The following CEP57 variants were observed in gnomAD, a reference collection of about 807,000 sequenced individuals.
CEP57 encodes centrosomal protein 57.
A neutral mutation model predicts 68.0 loss-of-function variants in CEP57; 40 were observed. The observed-to-expected ratio is 0.59, with a 90% CI of 0.46 to 0.77. The LOEUF is 0.77. Among genes scored for constraint, CEP57 ranks in the 30% least tolerant of loss-of-function variants. CEP57 has a pLI of 0.00. For synonymous variants in CEP57, 219 were observed against 198.7 expected (o/e 1.10, Z -0.86); for missense variants, 606 against 580.7 (o/e 1.04, Z -0.45).
At chr11:95,813,775 T>C (rs1862180043) in intron 4 of CEP57, among the ~76,000 whole-genome samples, 186 bp downstream of exon 4, 1 of 152,236 alleles carries the variant, frequency 6.6e-6, no homozygotes, top group South Asian at 2.1e-4. Context: ...TTGTGTTTCG[T>C]AGAGTTTTAC....
At chr11:95,813,368 G>A in intron 3 of CEP57, 100 bp from the exon 4 acceptor site, 1 of 1,431,476 alleles carries the variant, frequency 7.0e-7, no homozygotes, top group Non-Finnish European at 9.6e-7. Context: ...TGTGGAAGGT[G>A]TTTTTATTGT....
At chr11:95,812,264 GT>G (rs1472479644) in intron 2 of CEP57, among the ~76,000 whole-genome samples, 2 of 152,024 alleles carry the variant, frequency 1.3e-5, no homozygotes, top group Admixed American at 6.5e-5. Context: ...TAATTAATAA[GT>G]AATATATTAA....
intron 10 of CEP57, 63 bp from the exon 11 acceptor site, chr11:95,830,963 G>T: frequency 7.6e-7 from 1 of 1,316,748 alleles, no homozygotes; most frequent in Non-Finnish European, 1.1e-6. Flanking sequence ...ACTTTTTGTT[G>T]TCAGAAAAAA....
At position 95,813,105 on chromosome 11, in the gene CEP57, A is replaced by G. The variant is rs1425568229; in HGVS notation, c.376A>G (p.Asn126Asp). 3 of 1,612,490 alleles carry G rather than the reference A, an allele frequency of 1.9e-6. No homozygotes were observed. Among genetic ancestry groups the G allele is most frequent in the Non-Finnish European group, 1.7e-6 (2 of 1,179,838 alleles). The change falls in exon 3 of 11, where the codon AAT (asparagine) becomes GAT (aspartate). Residue 126 changes from asparagine to aspartate, a missense_variant. Transcript: ENST00000325542. Reference sequence around the variant, plus strand: ...TTCAAAGAATGAGGAATCAAAGCACAATCAAGGTTTGTTGATGAAGAAAAT... The same window carrying G: ...TTCAAAGAATGAGGAATCAAAGCACGATCAAGGTTTGTTGATGAAGAAAAT... ...ENSKNEESKH[N>D]QELTSQLLAA...
In CEP57 at chr11:95,812,974, G is replaced by T. The variant is rs140149031; in HGVS notation, c.245G>T (p.Arg82Leu). 2 of 1,614,010 alleles carry T rather than the reference G, an allele frequency of 1.2e-6. No individual in the cohort carries two copies. Among genetic ancestry groups the T allele is most frequent in the Non-Finnish European group, 1.7e-6 (2 of 1,180,002 alleles). Residue 82 changes from arginine (R) to leucine (L), a missense_variant, in exon 3 of 11, where the codon CGC becomes CTC. Coordinates refer to ENST00000325542, the MANE Select transcript of CEP57 (RefSeq NM_014679.5). Reference protein sequence around the residue: ...ALKNLQDKIRRLELERIQAEE... With the variant: ...ALKNLQDKIRLLELERIQAEE... ...AAGAATCTTCAAGATAAGATTCGAC[G>T]CTTGGAACTTGAGAGGATTCAGGCA...
intron 3 of CEP57, 108 bp from the exon 4 acceptor site, chr11:95,813,360 T>C (rs1412458207): frequency 1.5e-6 from 2 of 1,352,246 alleles, no homozygotes; most frequent in East Asian, 2.4e-5. Context: ...TCCAGGTCTG[T>C]GGAAGGTGTT....
intron 2 of CEP57, among the ~76,000 whole-genome samples, chr11:95,811,824 A>G (rs1391498302): frequency 3.3e-5 from 5 of 152,332 alleles, no homozygotes; most frequent in South Asian, 2.1e-4. Context: ...TAGAATGGCT[A>G]TGATTCTTCT....
At chr11:95,807,815 A>G (rs544001087) in intron 2 of CEP57, among the ~76,000 whole-genome samples, 13 of 152,364 alleles carry the variant, frequency 8.5e-5, no homozygotes, top group African/African-American at 3.1e-4. Context: ...ATCCAGGACA[A>G]CTTCCCCAAT....
chr11:95,815,246 T>G (rs1359274979), intron 4 of CEP57: 1 of 152,194 alleles, frequency 6.6e-6, no homozygotes, highest in Non-Finnish European at 1.5e-5. Context: ...CATACAACAG[T>G]ATTTGAGAAG....
chr11:95,815,202 A>G (rs1862253110), intron 4 of CEP57: 1 of 152,188 alleles, frequency 6.6e-6, no homozygotes, highest in South Asian at 2.1e-4. Context: ...TTCAGTTCTC[A>G]TTGGAGAGAA....
In CEP57 at chr11:95,813,530, T is replaced by C. The variant is rs1394014717; in HGVS notation, c.445T>C (p.Tyr149His). 1 of 1,613,206 alleles carries C rather than the reference T, an allele frequency of 6.2e-7. No individual in the cohort carries two copies. The highest frequency in any genetic ancestry group is 8.5e-7 in the Non-Finnish European group (1 of 1,179,948). The change falls in exon 4 of 11, where the codon TAC (tyrosine) becomes CAC (histidine). Residue 149 changes from tyrosine (Y) to histidine (H), a missense_variant. Transcript: ENST00000325542. Reference sequence around the variant, plus strand: ...CAATCTATTAGAAAAACAATTGGAATACATGCGAAATATGATAAAGCATGC... The same window carrying C: ...CAATCTATTAGAAAAACAATTGGAACACATGCGAAATATGATAAAGCATGC... ...KCNLLEKQLE[Y>H]MRNMIKHAEM...
At chr11:95,810,178 C>T (rs1382664809) in intron 2 of CEP57, among the ~76,000 whole-genome samples, 1 of 152,128 alleles carries the variant, frequency 6.6e-6, no homozygotes, top group African/African-American at 2.4e-5. Context: ...TCTCAATAAA[C>T]TAGGTATTGA....
intron 6 of CEP57, among the ~76,000 whole-genome samples, chr11:95,820,464 G>C (rs182820782): frequency 6.6e-6 from 1 of 151,556 alleles, no homozygotes; most frequent in Admixed American, 6.6e-5. Flanking sequence ...GGTGGTGCAT[G>C]CCTGTAATCC....
At position 95,817,831 on chromosome 11, in the gene CEP57, G is replaced by A. The variant is rs2135338115; in HGVS notation, c.549G>A (p.Gln183=). The stretch of plus-strand genomic sequence containing the variant: ...GACAACATGATCAAACACATGTTCA[G>A]AGCCAACTTGAAAAATTGGATCTTC... ...RERQHDQTHV[Q]SQLEKLDLLE... Residue 183 remains glutamine (Q), a synonymous_variant, in exon 5 of 11, where the codon CAG becomes CAA. Transcript: ENST00000325542. The A allele has an allele frequency of 1.9e-6, 3 of 1,614,002 alleles. No homozygotes were observed. In the East Asian group the frequency reaches 6.7e-5, roughly 36 times the overall value.
intron 8 of CEP57, 159 bp from the exon 9 acceptor site, chr11:95,827,627 A>G: frequency 1.2e-6 from 1 of 814,550 alleles, no homozygotes; most frequent in Non-Finnish European, 1.9e-6. Flanking sequence ...ATTTATATCA[A>G]AGGATTTCAA....
intron 2 of CEP57, among the ~76,000 whole-genome samples, chr11:95,803,783 C>T (rs1045328571): frequency 6.7e-6 from 1 of 150,134 alleles, no homozygotes; most frequent in African/African-American, 2.5e-5. Flanking sequence ...CTAAAAATTA[C>T]TGAGTTTTAA....
chr11:95,791,148 T>TCG (rs1358389392), intron 1 of CEP57, among the ~76,000 whole-genome samples: 1 of 152,190 alleles, frequency 6.6e-6, no homozygotes, highest in Non-Finnish European at 1.5e-5. Context: ...TAAGAGACGT[T>TCG]GCAGAATAGT....
At chr11:95,817,934 T>G in intron 5 of CEP57, 31 bp downstream of exon 5, 1 of 1,335,858 alleles carries the variant, frequency 7.5e-7, no homozygotes. Flanking sequence ...ATTGTTAACA[T>G]ATATCAGGGT....
intron 2 of CEP57, among the ~76,000 whole-genome samples, chr11:95,801,606 T>C (rs1183962409): frequency 1.3e-5 from 2 of 152,152 alleles, no homozygotes; most frequent in African/African-American, 2.4e-5. Flanking sequence ...CCTTCAACTA[T>C]AATATTGTAT....
Sources: gnomAD v4.1 joint callset for allele counts (sites outside exome capture counted in the v4.1 genomes callset) on GRCh38, gnomAD v4.1.1 for gene constraint, MANE v1.5 for transcripts, NCBI Gene and HGNC (gene_info 2026-07-23, HGNC 2026-07-21) for gene names.